KIF3A: variants seen among roughly 807,000 people sequenced by gnomAD.
KIF3A encodes the protein kinesin family member 3A, also known as kinesin-like protein KIF3A.
Under a neutral mutation model 92.6 loss-of-function variants are expected in KIF3A, and 27 were observed. The observed-to-expected ratio is 0.29, with a 90% CI of 0.21 to 0.40. The LOEUF (loss-of-function observed/expected upper bound fraction) is 0.40. KIF3A is among the 10% of genes least tolerant of loss of function. The pLI is 1.00. For synonymous variants in KIF3A, 250 were observed against 275.4 expected, an observed-to-expected ratio of 0.91 and a Z score of 0.92; for missense variants, 581 against 872.6, an observed-to-expected ratio of 0.67 and a Z score of 4.21.
At chr5:132,708,054 C>T (rs1377831120) in intron 10 of KIF3A, among the ~76,000 whole-genome samples, 13 of 151,964 alleles carry the variant, frequency 8.6e-5, no homozygotes, top group Admixed American at 3.9e-4. Flanking sequence ...GAGGCCGAGG[C>T]GGGCAGATCA....
At chr5:132,718,702 C>T (rs916355949) in intron 5 of KIF3A, among the ~76,000 whole-genome samples, 7 of 152,168 alleles carry the variant, frequency 4.6e-5, no homozygotes, top group African/African-American at 1.7e-4. Flanking sequence ...TCTTGGCTCA[C>T]TGCAACCTCT....
At chr5:132,708,789 G>C in intron 10 of KIF3A, 118 bp downstream of exon 10, 1 of 612,146 alleles carries the variant, frequency 1.6e-6, no homozygotes, top group Non-Finnish European at 2.9e-6. Flanking sequence ...GTTCTACTGA[G>C]GAATCCAACA....
chr5:132,703,850 T>C (rs1373081012), intron 11 of KIF3A, among the ~76,000 whole-genome samples: 1 of 151,560 alleles, frequency 6.6e-6, no homozygotes, highest in Non-Finnish European at 1.5e-5. Context: ...CAATGATAAC[T>C]AAGAACAAAA....
downstream of KIF3A, chr5:132,689,606 C>G (rs1016440916): frequency 2.0e-5 from 3 of 152,208 alleles, no homozygotes; most frequent in Non-Finnish European, 2.9e-5. Context: ...TCTCGAGAAT[C>G]TTCACAAGAT....
chr5:132,724,126 C>T (rs1270486681), intron 4 of KIF3A, among the ~76,000 whole-genome samples: 4 of 152,044 alleles, frequency 2.6e-5, no homozygotes, highest in Admixed American at 6.6e-5. Flanking sequence ...ATTAGAATGG[C>T]GATCATTAAA....
chr5:132,708,942 G>A lies in KIF3A; in HGVS notation c.1265C>T (p.Ser422Phe). Residue 422 changes from serine (S) to phenylalanine (F), a missense_variant, in exon 10 of 19, where the codon TCT becomes TTT. Transcript: ENST00000403231. Reference sequence around the variant, plus strand: ...CTTATCCAGAGGTTTCTCTATGACAGAACATGTGGAGTCTGAACTACTGCT... The same window carrying A: ...CTTATCCAGAGGTTTCTCTATGACAAAACATGTGGAGTCTGAACTACTGCT... ...SSSSSSDSTCSVIEKPLDKFL... is the reference protein window; with the variant it reads ...SSSSSSDSTCFVIEKPLDKFL... 2.6e-6 allele frequency: 4 copies of A among 1,550,248 alleles called. No homozygotes were observed. The highest frequency in any genetic ancestry group is 3.5e-6 in the Non-Finnish European group (4 of 1,146,758).
chr5:132,732,443 AATATG>A (rs1364002194), intron 2 of KIF3A, among the ~76,000 whole-genome samples: 2 of 152,238 alleles, frequency 1.3e-5, no homozygotes, highest in Non-Finnish European at 2.9e-5. Context: ...GGATAAACAA[AATATG>A]ATATATCTAT....
Position 132,737,445 on chromosome 5 carries a change from A to G in KIF3A, c.-26T>C, listed in dbSNP as rs1561718410. ...CTTGGCCCCCTCCCGTGCCCGGCGG[A>G]CGTCCCCGCCCGGGGTGCAGCCCAG... On this transcript the variant is annotated 5_prime_UTR_variant, in exon 1 of 19. Transcript: ENST00000403231. 6.2e-7 allele frequency: 1 copy of G among 1,601,994 alleles called. No homozygotes were observed. The highest frequency in any genetic ancestry group is 1.1e-5 in the South Asian group (1 of 89,182).
downstream of KIF3A, among the ~76,000 whole-genome samples, chr5:132,692,031 A>G (rs144796281): frequency 2.9e-4 from 44 of 152,192 alleles, 1 homozygote; most frequent in East Asian, 7.7e-3. Context: ...ATGTCCATCA[A>G]TGACAGATTG....
downstream of KIF3A, among the ~76,000 whole-genome samples, chr5:132,691,459 A>G (rs1752661748): frequency 6.6e-6 from 1 of 151,904 alleles, no homozygotes; most frequent in South Asian, 2.1e-4. Flanking sequence ...AGGCAGGAGA[A>G]TCACTTGAAC....
Position 132,696,242 on chromosome 5 carries a change from T to C in KIF3A, c.*392A>G, listed in dbSNP as rs1368143569. 6.4e-6 allele frequency: 1 copy of C among 156,518 alleles called. No individual in the cohort carries two copies. The highest frequency in any genetic ancestry group is 1.8e-4 in the East Asian group (1 of 5,448). The allele number at this position is 156,518 out of a possible 1,614,324, so 9.7% of individuals were successfully genotyped here. On this transcript the variant is annotated 3_prime_UTR_variant, in exon 19 of 19. Coordinates refer to ENST00000403231, the MANE Select transcript of KIF3A (RefSeq NM_001300791.2). ...ACATAGGACAATCTGATCTGCTTCT[T>C]TCTATGTGCAAAACAGGACACAGTT... is the stretch of plus-strand genomic sequence containing the variant.
intron 16 of KIF3A, 164 bp from the exon 17 acceptor site, chr5:132,700,448 C>T: frequency 1.5e-6 from 1 of 651,258 alleles, no homozygotes; most frequent in Admixed American, 2.8e-5. Context: ...TAGCCCCTAA[C>T]TCTGACCATT....
At chr5:132,724,812 TATATATATATATATATA>T (rs1433349600) in intron 4 of KIF3A, among the ~76,000 whole-genome samples, 201 of 12,452 alleles carry the variant, frequency 0.016, 12 homozygotes, top group Non-Finnish European at 0.032. Flanking sequence ...AAAAAATATA[TATATATATATATATATA>T]TATATATATA....
chr5:132,714,063 A>C (rs1753528259), intron 8 of KIF3A, among the ~76,000 whole-genome samples: 1 of 151,648 alleles, frequency 6.6e-6, no homozygotes, highest in African/African-American at 2.4e-5. Flanking sequence ...TGCCCAGCTA[A>C]TTTTTGTATT....
chr5:132,712,168 T>C (rs1050220507), intron 8 of KIF3A, among the ~76,000 whole-genome samples: 2 of 152,212 alleles, frequency 1.3e-5, no homozygotes, highest in African/African-American at 4.8e-5. Context: ...TGAGCACAGC[T>C]AGTGCCCAAA....
chr5:132,706,801 T>C (rs557239072), intron 10 of KIF3A, among the ~76,000 whole-genome samples: 4 of 152,118 alleles, frequency 2.6e-5, no homozygotes, highest in Non-Finnish European at 5.9e-5. Context: ...ACAGAAGACA[T>C]GGAATTAGGA....
At chr5:132,730,538 G>C (rs1754193633) in intron 2 of KIF3A, among the ~76,000 whole-genome samples, 1 of 151,874 alleles carries the variant, frequency 6.6e-6, no homozygotes, top group Non-Finnish European at 1.5e-5. Context: ...TGTAATCCCA[G>C]TGCTTTGCAA....
At chr5:132,691,336 T>C (rs942361778), downstream of KIF3A, among the ~76,000 whole-genome samples, 8 of 151,818 alleles carry the variant, frequency 5.3e-5, no homozygotes, top group Non-Finnish European at 1.0e-4. Flanking sequence ...TCACCTGAGG[T>C]TGGGAGTTCG....
chr5:132,708,048 C>G (rs1252199934), intron 10 of KIF3A, among the ~76,000 whole-genome samples: 1 of 152,032 alleles, frequency 6.6e-6, no homozygotes, highest in Non-Finnish European at 1.5e-5. Flanking sequence ...CTTTGGGAGG[C>G]CGAGGCGGGC....
Sources: allele counts gnomAD v4.1 joint callset (sites outside exome capture counted in the v4.1 genomes callset), GRCh38; gene constraint gnomAD v4.1.1; transcripts MANE v1.5; gene names NCBI Gene and HGNC (gene_info 2026-07-23, HGNC 2026-07-21).